The following OLFM3 variants were observed in gnomAD, a reference collection of about 807,000 sequenced individuals.
OLFM3 encodes the protein olfactomedin 3.
Under a neutral mutation model 48.6 loss-of-function variants are expected in OLFM3, and 20 were observed. The observed-to-expected ratio is 0.41, with a 90% CI of 0.29 to 0.60. The LOEUF (loss-of-function observed/expected upper bound fraction) is 0.60. Ranked by LOEUF, OLFM3 falls within the 20% of genes least tolerant of loss-of-function variation. The pLI, the probability that OLFM3 is intolerant of heterozygous loss-of-function variation, is 0.28. For synonymous variants in OLFM3, 222 were observed against 198.1 expected, an observed-to-expected ratio of 1.12 and a Z score of -1.01; for missense variants, 437 against 544.3, an observed-to-expected ratio of 0.80 and a Z score of 1.96.
chr1:101,952,306 T>G (rs1411134419), intron 1 of OLFM3, among the ~76,000 whole-genome samples: 2 of 152,172 alleles, frequency 1.3e-5, no homozygotes, highest in Admixed American at 6.5e-5. Flanking sequence ...TTCTTTTGTT[T>G]TAGTTTCCTA....
chr1:101,853,485 T>A (rs1023154684), intron 1 of OLFM3, among the ~76,000 whole-genome samples: 19 of 152,080 alleles, frequency 1.2e-4, no homozygotes, highest in African/African-American at 4.3e-4. Context: ...TATTTATACA[T>A]CTTGCTTATT....
chr1:101,814,730 T>C (rs1031129949), intron 4 of OLFM3, among the ~76,000 whole-genome samples: 3 of 152,182 alleles, frequency 2.0e-5, no homozygotes, highest in Non-Finnish European at 4.4e-5. Flanking sequence ...TTGAACAATT[T>C]TCTAACCTCT....
chr1:101,891,670 A>C (rs1031678885), intron 1 of OLFM3, among the ~76,000 whole-genome samples: 1 of 151,970 alleles, frequency 6.6e-6, no homozygotes, highest in Non-Finnish European at 1.5e-5. Context: ...CAGTAATGTC[A>C]ATTCATTTTT....
chr1:101,927,332 A>G (rs1322715295), intron 1 of OLFM3, among the ~76,000 whole-genome samples: 1 of 152,096 alleles, frequency 6.6e-6, no homozygotes, highest in East Asian at 1.9e-4. Flanking sequence ...TAGAATATAG[A>G]TTTTTTATCA....
chr1:101,984,767 A>G (rs181068257), intron 1 of OLFM3, among the ~76,000 whole-genome samples: 5 of 152,258 alleles, frequency 3.3e-5, no homozygotes, highest in Admixed American at 2.6e-4. Context: ...ATTTATGTCT[A>G]TGGTCTTTCT....
chr1:101,992,457 G>A (rs2101123685), intron 1 of OLFM3, among the ~76,000 whole-genome samples: 1 of 152,186 alleles, frequency 6.6e-6, no homozygotes, highest in South Asian at 2.1e-4. Context: ...AGGGTTTACT[G>A]GTGCATAATT....
intron 1 of OLFM3, among the ~76,000 whole-genome samples, chr1:101,986,871 G>A (rs1661256949): frequency 6.6e-6 from 1 of 152,010 alleles, no homozygotes; most frequent in South Asian, 2.1e-4. Flanking sequence ...CTGTGTAGGG[G>A]TTGGGGGATG....
Position 101,836,941 on chromosome 1 carries a change from G to C in OLFM3, c.154C>G (p.Pro52Ala). The C allele has an allele frequency of 1.9e-6, 3 of 1,614,102 alleles. No individual in the cohort carries two copies. Among genetic ancestry groups the C allele is most frequent in the Non-Finnish European group, 2.5e-6 (3 of 1,180,016 alleles). ...TCCCGGGAACACAGGTTTTGTTCTGGAGCAACAACTGTGCAAATGCACCGC... is the reference window on the plus strand; with the variant it reads ...TCCCGGGAACACAGGTTTTGTTCTGCAGCAACAACTGTGCAAATGCACCGC... ...DGRCICTVVA[P>A]EQNLCSRDAK... is the part of the protein sequence containing the mutation. Residue 52 changes from proline to alanine, a missense_variant, in exon 2 of 6, where the codon CCA (proline) becomes GCA (alanine). This residue lies in a region of OLFM3 where 314 missense variants were observed against 365.5 expected (regional missense o/e 0.86). Transcript: ENST00000370103.
chr1:101,851,405 T>A (rs1656216381), intron 1 of OLFM3, among the ~76,000 whole-genome samples: 2 of 152,272 alleles, frequency 1.3e-5, no homozygotes, highest in South Asian at 4.1e-4. Context: ...GCAACCCTAT[T>A]TTTGACAAGA....
At chr1:101,893,329 C>T (rs538711792) in intron 1 of OLFM3, 7 of 379,446 alleles carry the variant, frequency 1.8e-5, no homozygotes, top group South Asian at 7.6e-5. Context: ...AGATAGAACC[C>T]GGAATAGCTC....
intron 2 of OLFM3, among the ~76,000 whole-genome samples, chr1:101,835,953 C>CT (rs1411598436): frequency 5.3e-5 from 8 of 152,122 alleles, no homozygotes; most frequent in Admixed American, 5.2e-4. Flanking sequence ...TAATGAGTGT[C>CT]TCTATTAAAA....
intron 1 of OLFM3, among the ~76,000 whole-genome samples, chr1:101,972,818 A>T (rs1460567543): frequency 6.6e-6 from 1 of 152,224 alleles, no homozygotes; most frequent in Non-Finnish European, 1.5e-5. Context: ...CTTGTGGAGT[A>T]AGCTGCACGG....
chr1:101,943,965 T>C (rs777353524), intron 1 of OLFM3, among the ~76,000 whole-genome samples: 4 of 151,568 alleles, frequency 2.6e-5, no homozygotes, highest in Non-Finnish European at 5.9e-5. Flanking sequence ...TAATAACTTA[T>C]GATAAAATAA....
intron 1 of OLFM3, among the ~76,000 whole-genome samples, chr1:101,937,322 C>T (rs1191524922): frequency 6.6e-6 from 1 of 152,138 alleles, no homozygotes; most frequent in Non-Finnish European, 1.5e-5. Context: ...TAAAACAATA[C>T]AAACATGCTC....
At chr1:101,855,437 T>A (rs1052725851) in intron 1 of OLFM3, among the ~76,000 whole-genome samples, 1 of 152,094 alleles carries the variant, frequency 6.6e-6, no homozygotes, top group Non-Finnish European at 1.5e-5. Flanking sequence ...TATCTCACTG[T>A]GTCTCATACA....
At chr1:101,889,591 T>A (rs1474420461) in intron 1 of OLFM3, among the ~76,000 whole-genome samples, 1 of 152,090 alleles carries the variant, frequency 6.6e-6, no homozygotes, top group African/African-American at 2.4e-5. Flanking sequence ...ACATAGCACA[T>A]GTATACATAT....
chr1:101,959,563 C>A (rs896181478), intron 1 of OLFM3, among the ~76,000 whole-genome samples: 2 of 152,086 alleles, frequency 1.3e-5, no homozygotes, highest in African/African-American at 4.8e-5. Context: ...ATTATCAGTT[C>A]TTAATGCAGA....
At chr1:101,855,845 T>G (rs1656390104) in intron 1 of OLFM3, among the ~76,000 whole-genome samples, 1 of 152,128 alleles carries the variant, frequency 6.6e-6, no homozygotes, top group South Asian at 2.1e-4. Context: ...AATTGCCTGG[T>G]GATCAGAAAG....
chr1:101,986,029 G>C (rs999963268), intron 1 of OLFM3, among the ~76,000 whole-genome samples: 9 of 147,300 alleles, frequency 6.1e-5, no homozygotes, highest in Non-Finnish European at 1.3e-4. Flanking sequence ...GCAGTGGCGC[G>C]ATCTCGGCTC....
Sources: gnomAD v4.1 joint callset for allele counts (sites outside exome capture counted in the v4.1 genomes callset) on GRCh38, gnomAD v4.1.1 for gene constraint, gnomAD v4.1.1 regional missense constraint, MANE v1.5 for transcripts, NCBI Gene and HGNC (gene_info 2026-07-23, HGNC 2026-07-21) for gene names.